The following GPM6A variants were observed in gnomAD, a reference collection of about 807,000 sequenced individuals.
GPM6A encodes the protein glycoprotein M6A.
A neutral mutation model predicts 32.1 loss-of-function variants in GPM6A; 7 were observed. That is an observed-to-expected ratio of 0.22 (90% CI 0.12 to 0.41). The LOEUF (loss-of-function observed/expected upper bound fraction) is 0.41, where lower values mean the gene tolerates loss of function less well. Among genes scored for constraint, GPM6A ranks in the 10% least tolerant of loss-of-function variants. The probability of loss-of-function intolerance (pLI) is 1.00; values close to 1 mark genes in which losing one functional copy is unlikely to be tolerated. For missense variants in GPM6A, 235 were observed against 347.2 expected, an observed-to-expected ratio of 0.68 and a Z score of 2.57; for synonymous variants, 130 against 123.4, an observed-to-expected ratio of 1.05 and a Z score of -0.35.
chr4:175,934,794 A>G (rs1427749136), intron 1 of GPM6A, among the ~76,000 whole-genome samples: 4 of 152,220 alleles, frequency 2.6e-5, no homozygotes, highest in Non-Finnish European at 4.4e-5. Flanking sequence ...GCCTCCAGTC[A>G]TAACAACAAA....
chr4:175,944,825 C>T (rs73871295), intron 1 of GPM6A, among the ~76,000 whole-genome samples: 8,282 of 152,100 alleles, frequency 0.054, 695 homozygotes, highest in African/African-American at 0.18. Context: ...ACCAGCGCAA[C>T]ACTATTCCTA....
intron 1 of GPM6A, among the ~76,000 whole-genome samples, chr4:175,896,836 G>C (rs1737807818): frequency 6.6e-6 from 1 of 152,154 alleles, no homozygotes; most frequent in South Asian, 2.1e-4. Flanking sequence ...AAAAGACATT[G>C]ATGTTTGACA....
intron 1 of GPM6A, among the ~76,000 whole-genome samples, chr4:175,763,927 G>A (rs943188390): frequency 6.6e-6 from 1 of 152,098 alleles, no homozygotes; most frequent in Non-Finnish European, 1.5e-5. Context: ...TTTTTATGCA[G>A]TTATCAGAAA....
At chr4:175,812,699 C>T (rs1201837296), upstream of GPM6A, 2 of 985,466 alleles carry the variant, frequency 2.0e-6, no homozygotes. Context: ...GAGGGGTGTC[C>T]TCCTAACATG....
intron 1 of GPM6A, among the ~76,000 whole-genome samples, chr4:175,811,488 C>T (rs1734917438): frequency 6.6e-6 from 1 of 152,080 alleles, no homozygotes; most frequent in Non-Finnish European, 1.5e-5. Flanking sequence ...CCATTTCAAC[C>T]TTCAAAAATG....
At chr4:175,798,139 C>T (rs1579512945) in intron 1 of GPM6A, among the ~76,000 whole-genome samples, 1 of 152,184 alleles carries the variant, frequency 6.6e-6, no homozygotes, top group South Asian at 2.1e-4. Context: ...ACTTGTGTAA[C>T]TTACAAAGAC....
intron 1 of GPM6A, among the ~76,000 whole-genome samples, chr4:175,943,331 C>CA (rs1739478898): frequency 6.6e-6 from 1 of 152,076 alleles, no homozygotes; most frequent in South Asian, 2.1e-4. Context: ...TGCAAAGAGA[C>CA]AATTTGACTT....
intron 1 of GPM6A, among the ~76,000 whole-genome samples, chr4:175,837,444 C>T (rs529653906): frequency 7.2e-5 from 11 of 152,222 alleles, no homozygotes; most frequent in Admixed American, 2.6e-4. Context: ...GGAGCAAGAA[C>T]GGAAGCAGAG....
chr4:175,777,111 T>C (rs947228967), intron 1 of GPM6A, among the ~76,000 whole-genome samples: 2 of 152,164 alleles, frequency 1.3e-5, no homozygotes, highest in Non-Finnish European at 2.9e-5. Context: ...GTAGGGAAGA[T>C]AGTAAATGCA....
chr4:175,758,218 T>C (rs1368595820), intron 1 of GPM6A, among the ~76,000 whole-genome samples: 2 of 152,116 alleles, frequency 1.3e-5, no homozygotes, highest in Non-Finnish European at 1.5e-5. Context: ...TTTTAAAACA[T>C]ACAACACAGG....
chr4:175,710,578 T>C (rs550336418), intron 1 of GPM6A, among the ~76,000 whole-genome samples: 1 of 152,210 alleles, frequency 6.6e-6, no homozygotes, highest in Non-Finnish European at 1.5e-5. Context: ...GCCAATCCTC[T>C]GAAATTTATA....
At position 175,656,615 on chromosome 4, in the gene GPM6A, G is replaced by T. The variant is rs139222516; in HGVS notation, c.388-4628C>A. 7.9e-3 allele frequency among the ~76,000 whole-genome samples: 1,206 copies of T among 152,218 alleles called. 7 individuals are homozygous for T. The highest frequency in any genetic ancestry group is 0.013 in the Non-Finnish European group (862 of 67,986). On this transcript the variant is annotated intron_variant, in intron 3 of 6. Coordinates refer to ENST00000393658, the MANE Select transcript of GPM6A (RefSeq NM_201591.3). ...GTTCTTTAGAAAAAGGTGACATATT[G>T]CTTCTTGATTATGTAGCCATTGAGA...
chr4:175,643,179 A>G (rs1269199880), intron 4 of GPM6A, among the ~76,000 whole-genome samples: 2 of 152,172 alleles, frequency 1.3e-5, no homozygotes, highest in Non-Finnish European at 2.9e-5. Context: ...ATCATTTGCT[A>G]ACTGGCTTCC....
At chr4:175,708,764 G>T (rs1444696141) in intron 1 of GPM6A, among the ~76,000 whole-genome samples, 1 of 152,140 alleles carries the variant, frequency 6.6e-6, no homozygotes, top group Non-Finnish European at 1.5e-5. Flanking sequence ...AAATATAATA[G>T]GTGAAGGTAT....
intron 1 of GPM6A, among the ~76,000 whole-genome samples, chr4:175,840,542 C>T (rs1050791693): frequency 5.3e-5 from 8 of 152,090 alleles, no homozygotes; most frequent in Middle Eastern, 3.4e-3. Flanking sequence ...AGCCTTGTGG[C>T]GCAGGCCTGT....
intron 1 of GPM6A, among the ~76,000 whole-genome samples, chr4:175,776,441 G>A (rs1733398159): frequency 6.6e-6 from 1 of 152,152 alleles, no homozygotes; most frequent in Non-Finnish European, 1.5e-5. Context: ...CACTGAAAGA[G>A]CAAACTGTGC....
intron 1 of GPM6A, among the ~76,000 whole-genome samples, chr4:175,775,137 T>C (rs1733343082): frequency 6.6e-6 from 1 of 152,146 alleles, no homozygotes; most frequent in African/African-American, 2.4e-5. Context: ...TGGAAGTATT[T>C]AGAATTGCTC....
chr4:175,785,445 T>A (rs2111261930), intron 1 of GPM6A, among the ~76,000 whole-genome samples: 1 of 152,316 alleles, frequency 6.6e-6, no homozygotes, highest in East Asian at 1.9e-4. Context: ...AACTTTGTGG[T>A]ATTTTGTTAT....
chr4:175,736,246 C>T (rs1017896926), intron 1 of GPM6A, among the ~76,000 whole-genome samples: 11 of 152,104 alleles, frequency 7.2e-5, no homozygotes, highest in Non-Finnish European at 4.4e-5. Context: ...CAACTCCTGG[C>T]CTCGAGCAAT....
Sources: allele counts gnomAD v4.1 joint callset (sites outside exome capture counted in the v4.1 genomes callset), GRCh38; gene constraint gnomAD v4.1.1; transcripts MANE v1.5; gene names NCBI Gene and HGNC (gene_info 2026-07-23, HGNC 2026-07-21).